FBXL4: variants seen among roughly 807,000 people sequenced by gnomAD.
FBXL4 encodes the protein F-box/LRR-repeat protein 4.
Under a neutral mutation model 58.9 loss-of-function variants are expected in FBXL4, and 40 were observed. The ratio of observed to expected loss-of-function variants is 0.68; its 90% CI spans 0.53 to 0.88. FBXL4 has a LOEUF of 0.88. Ranked by LOEUF, FBXL4 falls within the 40% of genes least tolerant of loss-of-function variation. FBXL4 has a pLI of 0.00. For synonymous variants in FBXL4, 263 were observed against 265.5 expected (o/e 0.99, Z 0.09); for missense variants, 676 against 734.4 (o/e 0.92, Z 0.92).
intron 7 of FBXL4, among the ~76,000 whole-genome samples, chr6:98,890,791 C>T (rs901199164): frequency 3.9e-5 from 6 of 151,982 alleles, no homozygotes; most frequent in African/African-American, 7.3e-5. Flanking sequence ...TGGTGGCACA[C>T]GCCTGTAGTC....
chr6:98,916,523 T>C (rs1393186080), intron 5 of FBXL4, among the ~76,000 whole-genome samples: 38 of 150,284 alleles, frequency 2.5e-4, no homozygotes, highest in Admixed American at 4.6e-4. Context: ...TGTAGGGACA[T>C]GGATGAAATT....
intron 4 of FBXL4, among the ~76,000 whole-genome samples, chr6:98,922,029 G>C (rs574988764): frequency 6.6e-6 from 1 of 152,176 alleles, no homozygotes; most frequent in Non-Finnish European, 1.5e-5. Context: ...CTGGTTTCAA[G>C]TGATTCTCCC....
intron 1 of FBXL4, among the ~76,000 whole-genome samples, chr6:98,936,410 A>T (rs1773218676): frequency 6.6e-6 from 1 of 152,174 alleles, no homozygotes; most frequent in Non-Finnish European, 1.5e-5. Context: ...ATAATATGGT[A>T]TGTATGGCTA....
At chr6:98,946,110 G>C (rs1773610828) in intron 1 of FBXL4, among the ~76,000 whole-genome samples, 1 of 152,080 alleles carries the variant, frequency 6.6e-6, no homozygotes. Context: ...CAAATCCCTA[G>C]ATATTAAAAC....
At position 98,875,397 on chromosome 6, in the gene FBXL4, T is replaced by C. The variant is rs776605924; in HGVS notation, c.1702+18A>G. 1.9e-6 allele frequency: 3 copies of C among 1,610,710 alleles called. No homozygotes were observed. In the African/African-American group the frequency reaches 4.0e-5, roughly 21 times the overall value. On this transcript the variant is annotated intron_variant, in intron 9 of 9. Transcript: ENST00000369244. Reference sequence around the variant, plus strand: ...AGGAAACAGACATTTAAAACAAATTTATATATTGTAACCTTACCTAATATG... The same window carrying C: ...AGGAAACAGACATTTAAAACAAATTCATATATTGTAACCTTACCTAATATG...
chr6:98,934,576 C>G (rs1231345178), intron 2 of FBXL4, among the ~76,000 whole-genome samples, 186 bp downstream of exon 2: 1 of 152,160 alleles, frequency 6.6e-6, no homozygotes, highest in African/African-American at 2.4e-5. Context: ...TGTACTAGAT[C>G]TTAAAAAACT....
At chr6:98,881,968 A>G (rs747867615) in intron 7 of FBXL4, among the ~76,000 whole-genome samples, 20 of 152,056 alleles carry the variant, frequency 1.3e-4, no homozygotes, top group Non-Finnish European at 2.6e-4. Flanking sequence ...TCCATATTAA[A>G]AGGTTGTTTT....
In FBXL4 at chr6:98,935,658, G is replaced by A. The variant is rs553156445; in HGVS notation, c.-308-779C>T. 1.7e-4 allele frequency among the ~76,000 whole-genome samples: 26 copies of A among 151,034 alleles called. 1 individual carries two copies. In the South Asian group the frequency reaches 4.6e-3, roughly 27 times the overall value. ...CAAAAAATTAGCCGGGCGCGGTGGC[G>A]GGCGCCTGTAGTCCCAGCTACTCGG... On this transcript the variant is annotated intron_variant, in intron 1 of 9. Coordinates refer to ENST00000369244, the MANE Select transcript of FBXL4 (RefSeq NM_001278716.2).
chr6:98,923,004 CTTGCTTTGCT>C (rs1772640207), intron 4 of FBXL4, among the ~76,000 whole-genome samples: 1 of 152,156 alleles, frequency 6.6e-6, no homozygotes, highest in African/African-American at 2.4e-5. Context: ...TGCAGATGGG[CTTGCTTTGCT>C]CCTAAGGGTT....
intron 7 of FBXL4, among the ~76,000 whole-genome samples, chr6:98,892,553 G>A (rs1771268462): frequency 6.6e-6 from 1 of 152,150 alleles, no homozygotes; most frequent in Admixed American, 6.5e-5. Context: ...ACGCATGTCA[G>A]AAAACAAATT....
chr6:98,883,718 T>C (rs1218769700), intron 7 of FBXL4, among the ~76,000 whole-genome samples: 1 of 151,806 alleles, frequency 6.6e-6, no homozygotes, highest in African/African-American at 2.4e-5. Context: ...CATATACGCA[T>C]GAGTCTACTT....
chr6:98,942,402 C>G (rs957198191), intron 1 of FBXL4, among the ~76,000 whole-genome samples: 1 of 152,046 alleles, frequency 6.6e-6, no homozygotes, highest in Admixed American at 6.6e-5. Context: ...AATGTAATCC[C>G]CAGTGCTGGA....
chr6:98,930,878 C>T (rs1772987007), intron 2 of FBXL4, among the ~76,000 whole-genome samples: 1 of 152,038 alleles, frequency 6.6e-6, no homozygotes, highest in African/African-American at 2.4e-5. Context: ...GAACCATTTT[C>T]CAAAGAAGTT....
Position 98,874,344 on chromosome 6 carries a change from G to A in FBXL4, c.1800C>T (p.Asn600=), listed in dbSNP as rs1770576407. The A allele has an allele frequency of 1.2e-6, 2 of 1,613,058 alleles. No individual in the cohort carries two copies. The highest frequency in any genetic ancestry group is 1.7e-6 in the Non-Finnish European group (2 of 1,179,658). The change falls in exon 10 of 10, where the codon AAC becomes AAT. Residue 600 remains asparagine (N), a synonymous_variant. Coordinates refer to ENST00000369244, the MANE Select transcript of FBXL4 (RefSeq NM_001278716.2). The stretch of plus-strand genomic sequence containing the variant: ...TTGCATTCAGTTCTAGCACAGCTCT[G>A]TTATCAATCTGCGAACAGAAGGACA... ...LDVSFCSQID[N]RAVLELNASF...
At chr6:98,919,483 G>A (rs1398315857) in intron 4 of FBXL4, among the ~76,000 whole-genome samples, 1 of 152,130 alleles carries the variant, frequency 6.6e-6, no homozygotes, top group Non-Finnish European at 1.5e-5. Context: ...TTGCAAGGCA[G>A]GGAAAGAGTT....
chr6:98,898,752 A>G (rs1771496618), intron 7 of FBXL4: 1 of 985,070 alleles, frequency 1.0e-6, no homozygotes, highest in African/African-American at 1.7e-5. Context: ...AAAGAGTTAG[A>G]TAATATATGC....
At chr6:98,912,346 A>G (rs1007856919) in intron 5 of FBXL4, among the ~76,000 whole-genome samples, 1 of 152,190 alleles carries the variant, frequency 6.6e-6, no homozygotes, top group African/African-American at 2.4e-5. Flanking sequence ...ATATTCCTCA[A>G]GAAGAGCAAC....
intron 7 of FBXL4, chr6:98,898,472 G>A: frequency 1.0e-6 from 1 of 963,526 alleles, no homozygotes; most frequent in Non-Finnish European, 1.2e-6. Context: ...GGGCATGGTG[G>A]CACGTGCCTG....
chr6:98,917,310 A>C, intron 5 of FBXL4, 64 bp downstream of exon 5: 1 of 1,085,834 alleles, frequency 9.2e-7, no homozygotes, highest in Non-Finnish European at 1.3e-6. Flanking sequence ...GTAAACATTA[A>C]TATCTAAAGA....
Sources: gnomAD v4.1 joint callset for allele counts (sites outside exome capture counted in the v4.1 genomes callset) on GRCh38, gnomAD v4.1.1 for gene constraint, MANE v1.5 for transcripts, NCBI Gene and HGNC (gene_info 2026-07-23, HGNC 2026-07-21) for gene names.